SLIT2: variants seen among roughly 807,000 people sequenced by gnomAD.
SLIT2 encodes the protein slit homolog 2 protein.
Under a neutral mutation model 185.7 loss-of-function variants are expected in SLIT2, and 41 were observed. The observed-to-expected ratio is 0.22, with a 90% CI of 0.17 to 0.29. SLIT2 has a LOEUF of 0.29. Ranked by LOEUF, SLIT2 falls within the 10% of genes least tolerant of loss-of-function variation. SLIT2 has a pLI of 1.00. For synonymous variants in SLIT2, 693 were observed against 680.2 expected (o/e 1.02, Z -0.29); for missense variants, 1,571 against 1,909.0 (o/e 0.82, Z 3.30).
intron 4 of SLIT2, among the ~76,000 whole-genome samples, chr4:20,303,402 ACATTT>A (rs1717243730): frequency 6.6e-6 from 1 of 151,822 alleles, no homozygotes; most frequent in Non-Finnish European, 1.5e-5. Flanking sequence ...TCATTAGAAC[ACATTT>A]CATTTTAGAG....
intron 4 of SLIT2, among the ~76,000 whole-genome samples, chr4:20,282,790 G>A (rs1338453503): frequency 1.3e-5 from 2 of 152,178 alleles, no homozygotes; most frequent in Non-Finnish European, 2.9e-5. Context: ...TTAATCCAGA[G>A]AGCAAAACCA....
chr4:20,254,042 C>A lies in SLIT2; in HGVS notation c.179+48C>A. 6.4e-7 allele frequency: 1 copy of A among 1,559,806 alleles called. No homozygotes were observed. Among genetic ancestry groups the A allele is most frequent in the South Asian group, 1.1e-5 (1 of 87,452 alleles). On this transcript the variant is annotated intron_variant, in intron 1 of 36. Transcript: ENST00000504154. The surrounding 1 kb of genome is among the most constrained non-coding windows in gnomAD (Gnocchi z 5.1). Reference sequence around the variant, plus strand: ...CCCCTCTCCCCATCCGGGCCGCGCACCCCTGCCTCCACTGGAGGAACCTGT... The same window carrying A: ...CCCCTCTCCCCATCCGGGCCGCGCAACCCTGCCTCCACTGGAGGAACCTGT...
intron 4 of SLIT2, among the ~76,000 whole-genome samples, chr4:20,365,200 A>T (rs1176030882): frequency 6.6e-6 from 1 of 152,152 alleles, no homozygotes; most frequent in Non-Finnish European, 1.5e-5. Flanking sequence ...TTTTCATCAC[A>T]CATGCTGTTA....
chr4:20,383,032 C>A (rs1724654723), intron 4 of SLIT2, among the ~76,000 whole-genome samples: 1 of 151,950 alleles, frequency 6.6e-6, no homozygotes, highest in East Asian at 1.9e-4. Flanking sequence ...CAAGAAATTA[C>A]CAAAGTAATT....
At chr4:20,554,079 T>A in intron 26 of SLIT2, 111 bp downstream of exon 26, 1 of 899,266 alleles carries the variant, frequency 1.1e-6, no homozygotes, top group Non-Finnish European at 1.7e-6. Context: ...CAGTAAATGA[T>A]TATTTTTTCA....
chr4:20,596,669 C>T lies in SLIT2; in HGVS notation c.3561+14C>T, dbSNP rs202002451. 4.9e-5 allele frequency: 79 copies of T among 1,606,386 alleles called. No individual in the cohort carries two copies. The Middle Eastern group carries it at 6.6e-4, about 13-fold the overall frequency. ...ATAACACTTCAGGTAAGAGATCTCT[C>T]TCTATGGAGAGATGATCGGATCTTA... On this transcript the variant is annotated intron_variant, in intron 32 of 36. Coordinates refer to ENST00000504154, the MANE Select transcript of SLIT2 (RefSeq NM_004787.4).
At chr4:20,442,188 C>T (rs952782025) in intron 4 of SLIT2, among the ~76,000 whole-genome samples, 4 of 152,060 alleles carry the variant, frequency 2.6e-5, no homozygotes, top group African/African-American at 9.7e-5. Flanking sequence ...GTGTACAAGG[C>T]TCCTTGCCAG....
intron 4 of SLIT2, among the ~76,000 whole-genome samples, chr4:20,383,265 G>C (rs1724674318): frequency 6.6e-6 from 1 of 152,064 alleles, no homozygotes. Flanking sequence ...CTCTCCAAAA[G>C]ACACAGGTTA....
In SLIT2 at chr4:20,336,693, GA is replaced by G. The variant is rs577924200; in HGVS notation, c.395+67820del. 2.0e-4 allele frequency among the ~76,000 whole-genome samples: 31 copies of G among 151,840 alleles called. No individual in the cohort carries two copies. The South Asian group carries it at 5.6e-3, about 28-fold the overall frequency. ...CTTAAAGTATAATAAAGAAAAAAAA[GA>G]AAAAAAACTGAAATATGAAGACACA... On this transcript the variant is annotated intron_variant, in intron 4 of 36. Transcript: ENST00000504154.
At chr4:20,375,826 G>A (rs898405240) in intron 4 of SLIT2, among the ~76,000 whole-genome samples, 2 of 151,932 alleles carry the variant, frequency 1.3e-5, no homozygotes, top group Non-Finnish European at 2.9e-5. Flanking sequence ...ACATAAAAAT[G>A]CACTATGTGC....
chr4:20,345,504 T>TTTTTTC (rs1412608188), intron 4 of SLIT2, among the ~76,000 whole-genome samples: 5 of 151,660 alleles, frequency 3.3e-5, no homozygotes, highest in South Asian at 2.1e-4. Flanking sequence ...TTTTTTTTCC[T>TTTTTTC]TTTTTCTTTT....
At chr4:20,457,945 A>T (rs1560439635) in intron 4 of SLIT2, among the ~76,000 whole-genome samples, 1 of 152,210 alleles carries the variant, frequency 6.6e-6, no homozygotes, top group South Asian at 2.1e-4. Flanking sequence ...ATTTTTTCCT[A>T]GTTAGAGAAA....
chr4:20,602,921 A>G (rs1728515039), intron 33 of SLIT2, among the ~76,000 whole-genome samples: 2 of 152,130 alleles, frequency 1.3e-5, no homozygotes, highest in Admixed American at 1.3e-4. Context: ...GACTCTAACC[A>G]GCAACATAGA....
intron 5 of SLIT2, among the ~76,000 whole-genome samples, chr4:20,470,241 A>T (rs1321183178): frequency 6.6e-6 from 1 of 152,214 alleles, no homozygotes; most frequent in African/African-American, 2.4e-5. Flanking sequence ...GGAGACAGGA[A>T]AGTGTAACAT....
At chr4:20,283,234 G>A (rs999114804) in intron 4 of SLIT2, among the ~76,000 whole-genome samples, 7 of 152,120 alleles carry the variant, frequency 4.6e-5, no homozygotes, top group Non-Finnish European at 8.8e-5. Context: ...AGCACCAGAA[G>A]TCCTTTGTGG....
chr4:20,574,786 CAAAAAAAA>C (rs57022828), intron 29 of SLIT2, among the ~76,000 whole-genome samples: 165 of 86,152 alleles, frequency 1.9e-3, no homozygotes, highest in African/African-American at 7.0e-3. Flanking sequence ...GACTCGCTTT[CAAAAAAAA>C]AAAAAAAAAA....
At chr4:20,460,663 C>T (rs1232652893) in intron 4 of SLIT2, among the ~76,000 whole-genome samples, 1 of 152,188 alleles carries the variant, frequency 6.6e-6, no homozygotes, top group African/African-American at 2.4e-5. Flanking sequence ...TGGTAGGCAC[C>T]ATTTTACCCT....
In SLIT2 at chr4:20,480,734, G is replaced by C; in HGVS notation, c.486G>C (p.Gln162His). 2 of 1,613,248 alleles carry C rather than the reference G, an allele frequency of 1.2e-6. No homozygotes were observed. The highest frequency in any genetic ancestry group is 1.7e-6 in the Non-Finnish European group (2 of 1,179,278). ...TTAACAGGCAACTGGATTACAACCA[G>C]ATCAGCTGTATTGAAGATGGGGCAT... ...DIKNLQLDYN[Q>H]ISCIEDGAFR... is the part of the protein sequence containing the mutation. Residue 162 changes from glutamine (Q) to histidine (H), a missense_variant, in exon 6 of 37, where the codon CAG becomes CAC. Physicochemically the swap from Gln to His is conservative, Grantham distance 24. Transcript: ENST00000504154.
chr4:20,325,366 T>C (rs962542374), intron 4 of SLIT2, among the ~76,000 whole-genome samples: 7 of 118,352 alleles, frequency 5.9e-5, no homozygotes, highest in African/African-American at 2.3e-4. Context: ...GCAAGATTAG[T>C]AGTAAATGCA....
Sources: allele counts gnomAD v4.1 joint callset (sites outside exome capture counted in the v4.1 genomes callset), GRCh38; gene constraint gnomAD v4.1.1; non-coding constraint Gnocchi (gnomAD v3.1); transcripts MANE v1.5; gene names NCBI Gene and HGNC (gene_info 2026-07-23, HGNC 2026-07-21).